AFF3: variants seen among roughly 807,000 people sequenced by gnomAD.
The protein encoded by AFF3 is ALF transcription elongation factor 3.
A neutral mutation model predicts 129.7 loss-of-function variants in AFF3; 32 were observed. That is an observed-to-expected ratio of 0.25 (90% CI 0.19 to 0.33). The LOEUF is 0.33. Among genes scored for constraint, AFF3 ranks in the 10% least tolerant of loss-of-function variants. The probability of loss-of-function intolerance (pLI) is 1.00; values close to 1 mark genes in which losing one functional copy is unlikely to be tolerated. For synonymous variants in AFF3, 644 were observed against 635.4 expected, an observed-to-expected ratio of 1.01 and a Z score of -0.20; for missense variants, 1,373 against 1,592.0, an observed-to-expected ratio of 0.86 and a Z score of 2.34.
At chr2:99,558,775 G>A (rs1027411765) in intron 22 of AFF3, 100 bp downstream of exon 22, 16 of 1,179,130 alleles carry the variant, frequency 1.4e-5, no homozygotes, top group Admixed American at 2.0e-5. Flanking sequence ...GAGGTGACCT[G>A]CATTAACCCC....
At chr2:99,850,083 G>A (rs1690034830) in intron 7 of AFF3, among the ~76,000 whole-genome samples, 1 of 152,196 alleles carries the variant, frequency 6.6e-6, no homozygotes, top group African/African-American at 2.4e-5. Context: ...AGTTAGACCA[G>A]GGTAAGGGTA....
intron 2 of AFF3, among the ~76,000 whole-genome samples, chr2:100,123,860 A>C (rs1573464970): frequency 1.3e-5 from 2 of 152,182 alleles, no homozygotes; most frequent in Non-Finnish European, 2.9e-5. Context: ...CAGGCACATA[A>C]AGAGAATGGC....
At chr2:99,953,456 C>T (rs867964739) in intron 7 of AFF3, among the ~76,000 whole-genome samples, 4 of 152,134 alleles carry the variant, frequency 2.6e-5, no homozygotes, top group Admixed American at 6.5e-5. Flanking sequence ...AGACCATAAA[C>T]GTAACTTGAA....
At chr2:99,650,072 A>G (rs1175673358) in intron 12 of AFF3, among the ~76,000 whole-genome samples, 2 of 152,204 alleles carry the variant, frequency 1.3e-5, no homozygotes. Flanking sequence ...TTCTTTCCCA[A>G]TGAAGGTGTA....
At chr2:99,583,542 C>T (rs748753143) in intron 16 of AFF3, among the ~76,000 whole-genome samples, 1 of 152,002 alleles carries the variant, frequency 6.6e-6, no homozygotes, top group East Asian at 1.9e-4. Flanking sequence ...ATCACCACAC[C>T]GGGCTAATTT....
At chr2:99,692,182 C>T (rs1675731255) in intron 11 of AFF3, among the ~76,000 whole-genome samples, 1 of 152,152 alleles carries the variant, frequency 6.6e-6, no homozygotes, top group Admixed American at 6.5e-5. Flanking sequence ...TGGACTGAGG[C>T]CTCCTCCTGC....
At chr2:99,738,650 G>T (rs62150080) in intron 10 of AFF3, among the ~76,000 whole-genome samples, 3,570 of 152,150 alleles carry the variant, frequency 0.023, 62 homozygotes, top group Non-Finnish European at 0.031. Context: ...GGTAGTTGGC[G>T]TGGCTTTCCT....
At chr2:100,068,837 A>G (rs925139340) in intron 4 of AFF3, among the ~76,000 whole-genome samples, 5 of 152,186 alleles carry the variant, frequency 3.3e-5, no homozygotes, top group Non-Finnish European at 7.4e-5. Flanking sequence ...GTGATTTTCA[A>G]GGTCCCCATG....
At chr2:99,583,234 C>T (rs1425284665) in intron 16 of AFF3, among the ~76,000 whole-genome samples, 3 of 152,142 alleles carry the variant, frequency 2.0e-5, no homozygotes, top group African/African-American at 7.2e-5. Context: ...GAGCCAGCAC[C>T]AAAGTACACG....
At chr2:99,900,817 T>G (rs1015334940) in intron 7 of AFF3, among the ~76,000 whole-genome samples, 1 of 152,118 alleles carries the variant, frequency 6.6e-6, no homozygotes, top group Non-Finnish European at 1.5e-5. Context: ...AAGGGGGAAA[T>G]GCCCATGACG....
intron 1 of AFF3, among the ~76,000 whole-genome samples, chr2:100,133,758 C>G (rs1221302758): frequency 1.3e-5 from 2 of 152,068 alleles, no homozygotes; most frequent in Non-Finnish European, 2.9e-5. Flanking sequence ...CGGTGAAAAC[C>G]TGTCTCTACT....
intron 11 of AFF3, among the ~76,000 whole-genome samples, chr2:99,686,962 T>C (rs1030183126): frequency 1.3e-5 from 2 of 152,250 alleles, no homozygotes; most frequent in African/African-American, 4.8e-5. Context: ...ATTGCCTTTA[T>C]GTGCCAGGCA....
chr2:100,047,232 T>G (rs1685910690), intron 4 of AFF3, among the ~76,000 whole-genome samples: 1 of 152,202 alleles, frequency 6.6e-6, no homozygotes, highest in East Asian at 1.9e-4. Context: ...CGTGGACAAG[T>G]CAATTTTCCT....
chr2:99,826,745 C>T (rs62147572), intron 8 of AFF3, among the ~76,000 whole-genome samples: 36 of 152,132 alleles, frequency 2.4e-4, no homozygotes, highest in Admixed American at 5.2e-4. Context: ...CTGCAAACCA[C>T]GTCTGGGGGT....
intron 7 of AFF3, among the ~76,000 whole-genome samples, chr2:99,971,852 T>C (rs1159927378): frequency 6.6e-6 from 1 of 152,218 alleles, no homozygotes; most frequent in Non-Finnish European, 1.5e-5. Context: ...CATATCCTGA[T>C]GCCTGGTTAA....
intron 8 of AFF3, among the ~76,000 whole-genome samples, chr2:99,777,163 G>A (rs1683967969): frequency 6.6e-6 from 1 of 152,140 alleles, no homozygotes; most frequent in Admixed American, 6.5e-5. Context: ...AAGCAGGCAG[G>A]GTGTGAGCAT....
chr2:99,567,290 C>T (rs1325323721), intron 19 of AFF3, among the ~76,000 whole-genome samples: 2 of 152,044 alleles, frequency 1.3e-5, no homozygotes, highest in Admixed American at 1.3e-4. Flanking sequence ...TATAATGCAA[C>T]ATTTCTTGAT....
chr2:100,126,419 A>ATG (rs2105573412), intron 2 of AFF3, among the ~76,000 whole-genome samples: 1 of 152,308 alleles, frequency 6.6e-6, no homozygotes, highest in East Asian at 1.9e-4. Context: ...ACAGAAATAG[A>ATG]TGTGGATGCA....
intron 13 of AFF3, among the ~76,000 whole-genome samples, chr2:99,616,670 C>T (rs551598528): frequency 2.6e-5 from 4 of 152,112 alleles, no homozygotes; most frequent in South Asian, 2.1e-4. Context: ...ACAGGAGAAT[C>T]GCTTGAACCC....
Sources: allele counts gnomAD v4.1 joint callset (sites outside exome capture counted in the v4.1 genomes callset), GRCh38; gene constraint gnomAD v4.1.1; transcripts MANE v1.5; gene names NCBI Gene and HGNC (gene_info 2026-07-23, HGNC 2026-07-21).